The following ARIH1 variants were observed in gnomAD, a reference collection of about 807,000 sequenced individuals.
ARIH1 encodes ariadne RBR E3 ubiquitin protein ligase 1.
In ARIH1, 8 loss-of-function variants were observed where a neutral mutation model predicts 85.0. That is an observed-to-expected ratio of 0.09 (90% CI 0.06 to 0.17). The LOEUF is 0.17. ARIH1 is among the 10% of genes least tolerant of loss of function. The pLI is 1.00. For missense variants in ARIH1, 311 were observed against 718.1 expected (o/e 0.43, Z 6.48); for synonymous variants, 238 against 253.6 (o/e 0.94, Z 0.59).
chr15:72,492,810 G>A (rs1393150480), intron 1 of ARIH1, among the ~76,000 whole-genome samples: 1 of 152,164 alleles, frequency 6.6e-6, no homozygotes, highest in Non-Finnish European at 1.5e-5. Context: ...AGCCAAAGTG[G>A]TGAAAATAGG....
chr15:72,508,084 TG>T (rs1486286432), intron 1 of ARIH1, among the ~76,000 whole-genome samples: 2 of 152,222 alleles, frequency 1.3e-5, no homozygotes, highest in Non-Finnish European at 2.9e-5. Context: ...TCAGAATTGC[TG>T]GGGGCAAAGC....
chr15:72,490,670 G>A (rs944804038), intron 1 of ARIH1, among the ~76,000 whole-genome samples: 3 of 151,984 alleles, frequency 2.0e-5, no homozygotes, highest in African/African-American at 7.3e-5. Context: ...TCTATAGTCT[G>A]AGGAAGCATA....
chr15:72,526,542 C>T (rs1595861590), intron 2 of ARIH1, among the ~76,000 whole-genome samples: 1 of 152,244 alleles, frequency 6.6e-6, no homozygotes, highest in East Asian at 1.9e-4. Context: ...CCAGCCTGGG[C>T]AACACAGTGA....
chr15:72,572,419 G>A, intron 11 of ARIH1: 2 of 288,292 alleles, frequency 6.9e-6, no homozygotes, highest in Non-Finnish European at 1.3e-5. Context: ...TGTATTTTTA[G>A]TAGTCAGTCT....
chr15:72,503,592 T>A (rs2063912411), intron 1 of ARIH1, among the ~76,000 whole-genome samples: 1 of 152,206 alleles, frequency 6.6e-6, no homozygotes, highest in Non-Finnish European at 1.5e-5. Flanking sequence ...TAACTCCCCT[T>A]TGCTCAGAAT....
At chr15:72,571,195 G>A (rs1009752514) in intron 10 of ARIH1, among the ~76,000 whole-genome samples, 4 of 148,770 alleles carry the variant, frequency 2.7e-5, no homozygotes, top group Non-Finnish European at 5.9e-5. Flanking sequence ...TTTCTCACTG[G>A]TTAAGGGCAT....
rs985651367 is a variant in ARIH1, at chr15:72,561,311, T to C, written c.738-172T>C. On this transcript the variant is annotated intron_variant, in intron 5 of 13. Coordinates refer to ENST00000379887, the MANE Select transcript of ARIH1 (RefSeq NM_005744.5). Reference sequence around the variant, plus strand: ...AAAACTATACAAACTTTGAAATTATTGTTCTGATCAGTACAGTTATATTTG... The same window carrying C: ...AAAACTATACAAACTTTGAAATTATCGTTCTGATCAGTACAGTTATATTTG... 50 of 480,522 alleles carry C rather than the reference T, an allele frequency of 1.0e-4. 2 individuals carry two copies. In the East Asian group the frequency reaches 1.7e-3, roughly 17 times the overall value. The allele number at this position is 480,522 out of a possible 1,614,324, so 29.8% of individuals were successfully genotyped here. A position where few individuals can be genotyped will look rare whatever the true frequency, so the allele number is the denominator to read the frequency against.
In ARIH1 at chr15:72,497,278, GTTTA is replaced by G. The variant is rs201656798; in HGVS notation, c.376-20783_376-20780del. The stretch of plus-strand genomic sequence containing the variant: ...TATGTGTGTATATTTATGTGTTAAT[GTTTA>G]TTTATATTCCTGACTCTGGAATATT... On this transcript the variant is annotated intron_variant, in intron 1 of 13. Transcript: ENST00000379887. 3.9e-3 allele frequency among the ~76,000 whole-genome samples: 601 copies of G among 152,200 alleles called. 3 individuals are homozygous for G. The highest frequency in any genetic ancestry group is 5.6e-3 in the Non-Finnish European group (383 of 68,022).
At chr15:72,537,936 G>GT (rs756339588) in intron 2 of ARIH1, among the ~76,000 whole-genome samples, 2 of 152,274 alleles carry the variant, frequency 1.3e-5, no homozygotes, top group African/African-American at 2.4e-5. Flanking sequence ...CCTATAATGT[G>GT]TTTTTTAATA....
At chr15:72,514,334 T>G (rs2063964820) in intron 1 of ARIH1, among the ~76,000 whole-genome samples, 1 of 152,220 alleles carries the variant, frequency 6.6e-6, no homozygotes, top group South Asian at 2.1e-4. Flanking sequence ...GTTCACTGAC[T>G]CTTCTGTCAT....
intron 11 of ARIH1, among the ~76,000 whole-genome samples, chr15:72,580,284 CGT>C (rs1028870124): frequency 6.6e-6 from 1 of 152,044 alleles, no homozygotes; most frequent in African/African-American, 2.4e-5. Context: ...GCTGAGTACT[CGT>C]GTGTGTGTGT....
intron 11 of ARIH1, among the ~76,000 whole-genome samples, chr15:72,574,386 T>C (rs1029341730): frequency 2.6e-5 from 4 of 152,240 alleles, no homozygotes; most frequent in Middle Eastern, 6.3e-3. Context: ...GATCACACCA[T>C]TGCATGCCTA....
At chr15:72,499,685 A>G (rs1054254445) in intron 1 of ARIH1, among the ~76,000 whole-genome samples, 1 of 152,216 alleles carries the variant, frequency 6.6e-6, no homozygotes, top group Non-Finnish European at 1.5e-5. Flanking sequence ...TCCTAAGAAC[A>G]GTACTCTGGT....
chr15:72,520,594 G>C lies in ARIH1; in HGVS notation c.443+2460G>C, dbSNP rs574716828. On this transcript the variant is annotated intron_variant, in intron 2 of 13. Transcript: ENST00000379887. ...TTTATATTTGTTATGTTTTCTGTTCGCTTATTCTGTTGGCCTCATCAGATT... is the reference window on the plus strand; with the variant it reads ...TTTATATTTGTTATGTTTTCTGTTCCCTTATTCTGTTGGCCTCATCAGATT... Among the ~76,000 whole-genome samples the C allele has an allele frequency of 7.9e-5, 12 of 151,986 alleles. No individual in the cohort carries two copies. The South Asian group carries it at 2.5e-3, about 32-fold the overall frequency.
intron 2 of ARIH1, among the ~76,000 whole-genome samples, chr15:72,539,459 AAAAG>A (rs1391673876): frequency 3.3e-5 from 5 of 152,354 alleles, no homozygotes; most frequent in African/African-American, 9.6e-5. Flanking sequence ...ACAGAAAAAA[AAAAG>A]AAAGGATAAA....
In ARIH1 at chr15:72,602,089, C is replaced by T. The variant is rs1159231532; in HGVS notation, c.*18797C>T. ...GACTTATAATTTATTTAACCTCTAT[C>T]TAGGTTGGTTTTAGGCATTGGTTAT... is the stretch of plus-strand genomic sequence containing the variant. On this transcript the variant is annotated 3_prime_UTR_variant, in exon 14 of 14. Coordinates refer to ENST00000379887, the MANE Select transcript of ARIH1 (RefSeq NM_005744.5). 6.6e-6 allele frequency: 1 copy of T among 152,148 alleles called. No homozygotes were observed. Among genetic ancestry groups the T allele is most frequent in the African/African-American group, 2.4e-5 (1 of 41,426 alleles). The allele number at this position is 152,148 out of a possible 1,614,324, so 9.4% of individuals were successfully genotyped here.
At chr15:72,491,560 A>C (rs1567338241) in intron 1 of ARIH1, among the ~76,000 whole-genome samples, 1 of 152,292 alleles carries the variant, frequency 6.6e-6, no homozygotes, top group East Asian at 1.9e-4. Flanking sequence ...GATATGAATG[A>C]ATTTTCTAAT....
In ARIH1 at chr15:72,595,186, G is replaced by A. The variant is rs1183890376; in HGVS notation, c.*11894G>A. 1 of 152,232 alleles carries A rather than the reference G, an allele frequency of 6.6e-6. No individual in the cohort carries two copies. Among genetic ancestry groups the A allele is most frequent in the Non-Finnish European group, 1.5e-5 (1 of 68,082 alleles). 9.4% of individuals were successfully genotyped at this position (152,232 alleles called of 1,614,324 possible). A position where few individuals can be genotyped will look rare whatever the true frequency, so the allele number is the denominator to read the frequency against. On this transcript the variant is annotated 3_prime_UTR_variant, in exon 14 of 14. Transcript: ENST00000379887. ...GCCCATGGACAGTTTTGTTGTTGCT[G>A]TTTTAGAGACAGTCTCACTCTTTTG...
At chr15:72,482,505 G>T (rs890249777) in intron 1 of ARIH1, among the ~76,000 whole-genome samples, 3 of 152,156 alleles carry the variant, frequency 2.0e-5, no homozygotes, top group African/African-American at 7.2e-5. Flanking sequence ...AGAATGAGGA[G>T]AGTTTTTGGG....
Sources: gnomAD v4.1 joint callset for allele counts (sites outside exome capture counted in the v4.1 genomes callset) on GRCh38, gnomAD v4.1.1 for gene constraint, MANE v1.5 for transcripts, NCBI Gene and HGNC (gene_info 2026-07-23, HGNC 2026-07-21) for gene names.